The following AGBL2 variants were observed in gnomAD, a reference collection of about 807,000 sequenced individuals.
AGBL2 encodes the protein cytosolic carboxypeptidase 2.
Under a neutral mutation model 103.0 loss-of-function variants are expected in AGBL2, and 87 were observed. The ratio of observed to expected loss-of-function variants is 0.84; its 90% CI spans 0.71 to 1.01. AGBL2 has a LOEUF of 1.01. Ranked by LOEUF, AGBL2 falls within the 50% of genes least tolerant of loss-of-function variation. AGBL2 has a pLI of 0.00. For missense variants in AGBL2, 904 were observed against 1,023.5 expected (o/e 0.88, Z 1.59); for synonymous variants, 335 against 356.7 (o/e 0.94, Z 0.69).
chr11:47,689,608 G>T (rs1047195266), intron 10 of AGBL2, among the ~76,000 whole-genome samples: 5 of 151,956 alleles, frequency 3.3e-5, no homozygotes, highest in African/African-American at 1.2e-4. Context: ...CCTGGCCTAG[G>T]TTCTCAATTT....
At chr11:47,676,098 C>T (rs1394047125) in intron 14 of AGBL2, among the ~76,000 whole-genome samples, 3 of 152,004 alleles carry the variant, frequency 2.0e-5, no homozygotes, top group Non-Finnish European at 4.4e-5. Context: ...ACTGCTTGTT[C>T]GAGGTCTCCA....
intron 18 of AGBL2, among the ~76,000 whole-genome samples, chr11:47,661,962 T>G (rs1253368628): frequency 6.6e-6 from 1 of 152,024 alleles, no homozygotes; most frequent in Non-Finnish European, 1.5e-5. Flanking sequence ...TTGGCCAGGC[T>G]GGTCTCGAAC....
intron 3 of AGBL2, chr11:47,711,031 A>T (rs543873903): frequency 4.3e-4 from 148 of 346,760 alleles, no homozygotes; most frequent in South Asian, 3.3e-3. Context: ...TTACCCATGT[A>T]ACAAACCTGC....
chr11:47,713,783 G>T (rs1288810809), intron 3 of AGBL2, among the ~76,000 whole-genome samples: 1 of 151,404 alleles, frequency 6.6e-6, no homozygotes, highest in Non-Finnish European at 1.5e-5. Flanking sequence ...TAGAGACGGG[G>T]TTTCACCGTG....
Position 47,682,000 on chromosome 11 carries a change from G to T in AGBL2, c.1884C>A (p.Thr628=). 6.2e-7 allele frequency: 1 copy of T among 1,614,068 alleles called. No individual in the cohort carries two copies. The highest frequency in any genetic ancestry group is 8.5e-7 in the Non-Finnish European group (1 of 1,179,998). Residue 628 remains threonine (T), a synonymous_variant, in exon 12 of 19, where the codon ACC becomes ACA. Coordinates refer to ENST00000525123, the MANE Select transcript of AGBL2 (RefSeq NM_024783.4). Reference sequence around the variant, plus strand: ...TGGACCCGCCAAAGGTAGACTCCATGGTGTAGCTGTTTAGGATTCCCATCC... The same window carrying T: ...TGGACCCGCCAAAGGTAGACTCCATTGTGTAGCTGTTTAGGATTCCCATCC... The part of the protein sequence containing the change: ...MWRMGILNSY[T]MESTFGGSTL...
intron 17 of AGBL2, among the ~76,000 whole-genome samples, chr11:47,665,233 G>A (rs1327609380): frequency 6.6e-6 from 1 of 151,576 alleles, no homozygotes; most frequent in African/African-American, 2.4e-5. Flanking sequence ...TTTTAGTAGA[G>A]GTGGGGTTTC....
chr11:47,697,478 T>C (rs2153804708), intron 8 of AGBL2, among the ~76,000 whole-genome samples: 1 of 150,768 alleles, frequency 6.6e-6, no homozygotes, highest in South Asian at 2.1e-4. Flanking sequence ...GACCTTATGA[T>C]CCGCCCACCT....
In AGBL2 at chr11:47,685,919, T is replaced by G. The variant is rs2097421749; in HGVS notation, c.1762A>C (p.Met588Leu). 2 of 1,614,048 alleles carry G rather than the reference T, an allele frequency of 1.2e-6. No individual in the cohort carries two copies. The highest frequency in any genetic ancestry group is 2.2e-5 in the East Asian group (1 of 44,868). Residue 588 changes from methionine to leucine, a missense_variant, in exon 11 of 19, where the codon ATG (methionine) becomes CTG (leucine). By Grantham distance (15) the Met-to-Leu change is conservative (BLOSUM62 2). Coordinates refer to ENST00000525123, the MANE Select transcript of AGBL2 (RefSeq NM_024783.4). ...YWLHERVFPL[M>L]LCKNAPDKFS... Reference sequence around the variant, plus strand: ...TTATCTGGTGCATTTTTGCATAACATTAAAGGAAAGACTCGTTCATGAAGC... The same window carrying G: ...TTATCTGGTGCATTTTTGCATAACAGTAAAGGAAAGACTCGTTCATGAAGC...
intron 11 of AGBL2, among the ~76,000 whole-genome samples, chr11:47,684,189 C>G (rs1434030798): frequency 6.6e-6 from 1 of 151,942 alleles, no homozygotes; most frequent in Admixed American, 6.6e-5. Flanking sequence ...AGGAGAATTG[C>G]TTGAACCCGG....
In AGBL2 at chr11:47,667,576, T is replaced by C; in HGVS notation, c.2335A>G (p.Thr779Ala). The C allele has an allele frequency of 6.2e-7, 1 of 1,613,998 alleles. No individual in the cohort carries two copies. The highest frequency in any genetic ancestry group is 8.5e-7 in the Non-Finnish European group (1 of 1,179,988). The change falls in exon 16 of 19, where the codon ACC becomes GCC. Residue 779 changes from threonine (T) to alanine (A), a missense_variant. Thr to Ala is a moderately conservative substitution (Grantham distance 58). Transcript: ENST00000525123. ...AGCCAGCAAGTCTTTCTTACTGAGG[T>C]ATCTTCTGTTAACTTTAACTTCTGC... ...LMQKLKLTED[T>A]SEKAGFASTL...
rs570969255 is a variant in AGBL2 at position 47,703,616 on chromosome 11, C to T, written c.586+927G>A. ...GACCAGCCTGGCCAACATGGAGGAA[C>T]GCTGACTCTAATAAAAATAAAAAAC... On this transcript the variant is annotated intron_variant, in intron 7 of 18. Coordinates refer to ENST00000525123, the MANE Select transcript of AGBL2 (RefSeq NM_024783.4). 5.9e-5 allele frequency among the ~76,000 whole-genome samples: 9 copies of T among 151,402 alleles called. No individual in the cohort carries two copies. In the South Asian group the frequency reaches 1.3e-3, roughly 21 times the overall value.
At chr11:47,710,167 G>A in intron 4 of AGBL2, 1 of 560,214 alleles carries the variant, frequency 1.8e-6, no homozygotes, top group Non-Finnish European at 3.1e-6. Flanking sequence ...GAGATTACAG[G>A]CGTGATCACC....
At chr11:47,665,722 G>C (rs2097339631) in intron 17 of AGBL2, among the ~76,000 whole-genome samples, 1 of 152,036 alleles carries the variant, frequency 6.6e-6, no homozygotes, top group Non-Finnish European at 1.5e-5. Context: ...CCAAAGTGTT[G>C]GGTTTGGCCA....
At chr11:47,704,397 C>G (rs1015076840) in intron 7 of AGBL2, 146 bp downstream of exon 7, 14 of 635,896 alleles carry the variant, frequency 2.2e-5, no homozygotes, top group Admixed American at 3.0e-5. Context: ...GGAGGAGAAT[C>G]CCTTGAACCT....
intron 13 of AGBL2, among the ~76,000 whole-genome samples, chr11:47,679,363 C>A (rs1399574300): frequency 1.3e-5 from 2 of 151,734 alleles, no homozygotes; most frequent in Admixed American, 6.6e-5. Flanking sequence ...TGCACTTCAG[C>A]CTGGGTAACA....
chr11:47,707,784 T>A (rs972541141), intron 4 of AGBL2, among the ~76,000 whole-genome samples: 4 of 152,162 alleles, frequency 2.6e-5, no homozygotes, highest in South Asian at 2.1e-4. Flanking sequence ...TCTCATAATT[T>A]AAAAAAATGG....
At chr11:47,670,919 C>T (rs2097355416) in intron 14 of AGBL2, among the ~76,000 whole-genome samples, 1 of 151,682 alleles carries the variant, frequency 6.6e-6, no homozygotes, top group African/African-American at 2.4e-5. Context: ...CATTTGAGCT[C>T]AGGAGGTTGA....
chr11:47,702,010 G>T (rs1189670448), intron 7 of AGBL2, among the ~76,000 whole-genome samples: 1 of 151,194 alleles, frequency 6.6e-6, no homozygotes, highest in South Asian at 2.1e-4. Context: ...AATTAGCCAG[G>T]CATGGTGGTG....
chr11:47,681,989 G>C lies in AGBL2; in HGVS notation c.1895C>G (p.Thr632Ser), dbSNP rs757228673. The C allele has an allele frequency of 2.5e-6, 4 of 1,613,932 alleles. No individual in the cohort carries two copies. Among genetic ancestry groups the C allele is most frequent in the Non-Finnish European group, 3.4e-6 (4 of 1,180,020 alleles). Residue 632 changes from threonine (T) to serine (S), a missense_variant, in exon 12 of 19, where the codon ACC (threonine) becomes AGC (serine). Thr to Ser is a moderately conservative substitution (Grantham distance 58). Coordinates refer to ENST00000525123, the MANE Select transcript of AGBL2 (RefSeq NM_024783.4). ...GILNSYTMESTFGGSTLGNKR... is the reference protein window; with the variant it reads ...GILNSYTMESSFGGSTLGNKR... Reference sequence around the variant, plus strand: ...TGTACCCAGGGTGGACCCGCCAAAGGTAGACTCCATGGTGTAGCTGTTTAG... The same window carrying C: ...TGTACCCAGGGTGGACCCGCCAAAGCTAGACTCCATGGTGTAGCTGTTTAG...
Sources: allele counts gnomAD v4.1 joint callset (sites outside exome capture counted in the v4.1 genomes callset), GRCh38; gene constraint gnomAD v4.1.1; transcripts MANE v1.5; gene names NCBI Gene and HGNC (gene_info 2026-07-23, HGNC 2026-07-21).